Variants in FBLN2 observed in about 807,000 individuals in gnomAD.
The protein encoded by FBLN2 is fibulin 2.
A neutral mutation model predicts 123.7 loss-of-function variants in FBLN2; 81 were observed. The ratio of observed to expected loss-of-function variants is 0.65; its 90% CI spans 0.55 to 0.79. FBLN2 has a LOEUF of 0.79. Ranked by LOEUF, FBLN2 falls within the 30% of genes least tolerant of loss-of-function variation. The pLI is 0.00. For missense variants in FBLN2, 1,603 were observed against 1,681.3 expected, an observed-to-expected ratio of 0.95 and a Z score of 0.81; for synonymous variants, 699 against 701.4, an observed-to-expected ratio of 1.00 and a Z score of 0.05.
intron 2 of FBLN2, among the ~76,000 whole-genome samples, chr3:13,593,222 C>G (rs763353838): frequency 1.3e-5 from 2 of 152,196 alleles, no homozygotes; most frequent in Non-Finnish European, 2.9e-5. Flanking sequence ...TAGCAGCCAC[C>G]TCTGGAGGGT....
intron 16 of FBLN2, among the ~76,000 whole-genome samples, chr3:13,632,516 C>T (rs548498408): frequency 2.0e-4 from 30 of 152,322 alleles, no homozygotes; most frequent in African/African-American, 7.0e-4. Context: ...GTCAGTGGAT[C>T]CTGAGATCAA....
Position 13,631,388 on chromosome 3 carries a change from C to G in FBLN2, c.3145C>G (p.Pro1049Ala), listed in dbSNP as rs199983858. Residue 1049 changes from proline (P) to alanine (A), a missense_variant, in exon 16 of 18, where the codon CCA (proline) becomes GCA (alanine). Transcript: ENST00000404922. ...CTGCACCTTCCGCTGTCTCAACGTGCCAGGGAGCTACCAGTGTGCATGCCC... is the reference window on the plus strand; with the variant it reads ...CTGCACCTTCCGCTGTCTCAACGTGGCAGGGAGCTACCAGTGTGCATGCCC... ...ILCTFRCLNV[P>A]GSYQCACPEQ... The G allele has an allele frequency of 7.4e-4, 1,189 of 1,602,092 alleles. 2 individuals carry two copies. The highest frequency in any genetic ancestry group is 8.6e-4 in the Non-Finnish European group (1,008 of 1,174,722).
intron 2 of FBLN2, among the ~76,000 whole-genome samples, chr3:13,591,098 T>A (rs1284342718): frequency 6.6e-6 from 1 of 152,250 alleles, no homozygotes; most frequent in East Asian, 1.9e-4. Flanking sequence ...TTTTGGCCAG[T>A]CTGGAGGATG....
Position 13,588,881 on chromosome 3 carries a change from C to T in FBLN2, c.1306+17220C>T, listed in dbSNP as rs528258863. On this transcript the variant is annotated intron_variant, in intron 2 of 17. Coordinates refer to ENST00000404922, the MANE Select transcript of FBLN2 (RefSeq NM_001004019.2). ...TACGTATGATGGGCTGGAAATTAAGCGAGAAAGAAAAAGCAACAGAATTAA... is the reference window on the plus strand; with the variant it reads ...TACGTATGATGGGCTGGAAATTAAGTGAGAAAGAAAAAGCAACAGAATTAA... 2.3e-4 allele frequency among the ~76,000 whole-genome samples: 35 copies of T among 152,084 alleles called. 1 individual carries two copies. In the South Asian group the frequency reaches 5.8e-3, roughly 25 times the overall value.
rs567095517 is a variant in FBLN2 at position 13,614,582 on chromosome 3, C to T, written c.1729+418C>T. 4.3e-3 allele frequency among the ~76,000 whole-genome samples: 608 copies of T among 140,258 alleles called. 4 individuals carry two copies. The highest frequency in any genetic ancestry group is 0.035 in the South Asian group (157 of 4,516). The allele number at this position is 140,258 out of a possible 152,430, so 92.0% of individuals were successfully genotyped here. On this transcript the variant is annotated intron_variant, in intron 5 of 17. Transcript: ENST00000404922. The stretch of plus-strand genomic sequence containing the variant: ...ATCCTCTATCCCATCATCTGTCCAT[C>T]CATCCATCCATCCATCCATCCATCC...
At chr3:13,631,238 C>A in intron 15 of FBLN2, 91 bp from the exon 16 acceptor site, 1 of 1,488,514 alleles carries the variant, frequency 6.7e-7, no homozygotes, top group South Asian at 1.3e-5. Context: ...GGCCCCTAAG[C>A]TCTATGGCTG....
intron 1 of FBLN2, among the ~76,000 whole-genome samples, chr3:13,562,356 CT>C (rs377434279): frequency 0.016 from 2,150 of 135,062 alleles, 29 homozygotes; most frequent in African/African-American, 0.046. Flanking sequence ...ATGAAGTTTA[CT>C]TTTTTTTTTT....
chr3:13,612,603 G>T (rs1049411443), intron 4 of FBLN2, among the ~76,000 whole-genome samples: 2 of 138,532 alleles, frequency 1.4e-5, no homozygotes, highest in Admixed American at 1.3e-4. Flanking sequence ...GGATGGTCTC[G>T]ATCTCCTGAC....
In FBLN2 at chr3:13,549,200, T is replaced by C; in HGVS notation, c.-50T>C. On this transcript the variant is annotated 5_prime_UTR_variant, in exon 1 of 18. Coordinates refer to ENST00000404922, the MANE Select transcript of FBLN2 (RefSeq NM_001004019.2). ...ACGGACGGACGGACGCCGAGCGCAG[T>C]GCCCCGCGGTGAGTGCACGCGGCCC... The C allele has an allele frequency of 1.0e-6, 1 of 983,028 alleles. No individual in the cohort carries two copies. The highest frequency in any genetic ancestry group is 1.8e-5 in the African/African-American group (1 of 57,002). The allele number at this position is 983,028 out of a possible 1,614,324, so 60.9% of individuals were successfully genotyped here. A position where few individuals can be genotyped will look rare whatever the true frequency, so the allele number is the denominator to read the frequency against.
rs1241354775 is a variant in FBLN2, at chr3:13,638,193, A to G, written c.*274A>G. 1.6e-6 allele frequency: 1 copy of G among 628,372 alleles called. No homozygotes were observed. The highest frequency in any genetic ancestry group is 3.1e-5 in the East Asian group (1 of 32,102). The allele number at this position is 628,372 out of a possible 1,614,324, so 38.9% of individuals were successfully genotyped here. A position where few individuals can be genotyped will look rare whatever the true frequency, so the allele number is the denominator to read the frequency against. ...GGTGAGGCTGGGTGATGACCTGAGG[A>G]CCAGAGACACGCGACCATGTTGGGG... On this transcript the variant is annotated 3_prime_UTR_variant, in exon 18 of 18. Coordinates refer to ENST00000404922, the MANE Select transcript of FBLN2 (RefSeq NM_001004019.2).
chr3:13,610,913 ATTATTAT>A (rs1705370002), intron 4 of FBLN2, among the ~76,000 whole-genome samples: 1 of 144,476 alleles, frequency 6.9e-6, no homozygotes, highest in African/African-American at 2.6e-5. Context: ...TATTATTATT[ATTATTAT>A]TATTATTTTG....
In FBLN2 at chr3:13,637,976, G is replaced by C; in HGVS notation, c.*57G>C. On this transcript the variant is annotated 3_prime_UTR_variant, in exon 18 of 18. Coordinates refer to ENST00000404922, the MANE Select transcript of FBLN2 (RefSeq NM_001004019.2). Reference sequence around the variant, plus strand: ...GCAGCCCAGGGCTCACACTGCGTGGGAGGGACTGGGTCACTATTGTGGTTT... The same window carrying C: ...GCAGCCCAGGGCTCACACTGCGTGGCAGGGACTGGGTCACTATTGTGGTTT... 1 of 1,420,406 alleles carries C rather than the reference G, an allele frequency of 7.0e-7. No individual in the cohort carries two copies. The highest frequency in any genetic ancestry group is 9.6e-7 in the Non-Finnish European group (1 of 1,040,266). 88.0% of individuals were successfully genotyped at this position (1,420,406 alleles called of 1,614,324 possible).
At chr3:13,582,151 C>T (rs900478448) in intron 2 of FBLN2, among the ~76,000 whole-genome samples, 14 of 152,312 alleles carry the variant, frequency 9.2e-5, no homozygotes, top group African/African-American at 2.9e-4. Flanking sequence ...TCATGGCTGG[C>T]GTCCCGGATG....
intron 17 of FBLN2, 26 bp from the exon 18 acceptor site, chr3:13,637,536 G>C: frequency 6.4e-7 from 1 of 1,566,568 alleles, no homozygotes; most frequent in Admixed American, 1.7e-5. Context: ...GCGAGCTGTG[G>C]GTGACCCGGC....
intron 2 of FBLN2, among the ~76,000 whole-genome samples, chr3:13,607,591 C>A (rs953296975): frequency 2.0e-5 from 3 of 152,176 alleles, no homozygotes; most frequent in African/African-American, 7.2e-5. Flanking sequence ...CTGCTGTTTT[C>A]GTATCTCTTG....
chr3:13,555,644 C>T (rs1021151484), intron 1 of FBLN2, among the ~76,000 whole-genome samples: 23 of 151,974 alleles, frequency 1.5e-4, no homozygotes, highest in Middle Eastern at 3.4e-3. Flanking sequence ...TTAGTAGAGA[C>T]GGAGTTTCAC....
chr3:13,608,182 G>A lies in FBLN2; in HGVS notation c.1418+9G>A. The A allele has an allele frequency of 6.4e-7, 1 of 1,564,770 alleles. No individual in the cohort carries two copies. The highest frequency in any genetic ancestry group is 8.7e-7 in the Non-Finnish European group (1 of 1,152,350). ...GAGGACAACGTCTGCAGGTAGGGTG[G>A]GCTCCCTGGAGCAGGCGGAGCTGCC... On this transcript the variant is annotated intron_variant, in intron 3 of 17. Transcript: ENST00000404922.
intron 1 of FBLN2, among the ~76,000 whole-genome samples, chr3:13,565,157 C>G (rs980404267): frequency 6.6e-6 from 1 of 152,192 alleles, no homozygotes; most frequent in African/African-American, 2.4e-5. Flanking sequence ...GCCCTGTGCA[C>G]GTTCAAGTGA....
intron 6 of FBLN2, among the ~76,000 whole-genome samples, 198 bp downstream of exon 6, chr3:13,618,483 C>T (rs774448943): frequency 2.0e-4 from 30 of 152,236 alleles, no homozygotes; most frequent in Non-Finnish European, 3.5e-4. Flanking sequence ...GGGGCTCCAT[C>T]TGCAGGGACC....
Sources: allele counts gnomAD v4.1 joint callset (sites outside exome capture counted in the v4.1 genomes callset), GRCh38; gene constraint gnomAD v4.1.1; transcripts MANE v1.5; gene names NCBI Gene and HGNC (gene_info 2026-07-23, HGNC 2026-07-21).